The following JMY variants were observed in gnomAD, a reference collection of about 807,000 sequenced individuals.
The protein encoded by JMY is junction mediating and regulatory protein, p53 cofactor.
A neutral mutation model predicts 103.3 loss-of-function variants in JMY; 46 were observed. The observed-to-expected ratio is 0.45, with a 90% CI of 0.35 to 0.57. The LOEUF (loss-of-function observed/expected upper bound fraction) is 0.57. Ranked by LOEUF, JMY falls within the 20% of genes least tolerant of loss-of-function variation. The pLI is 0.00. For synonymous variants in JMY, 526 were observed against 489.3 expected (o/e 1.07, Z -0.99); for missense variants, 1,238 against 1,255.2 (o/e 0.99, Z 0.21).
rs2112033779 is a variant in JMY, at chr5:79,236,285, ACCCC to A, written c.-365_-362del. On this transcript the variant is annotated 5_prime_UTR_variant, in exon 1 of 11. Transcript: ENST00000396137. ...CCGGGACGCATACAGCGCCGGCCTG[ACCCC>A]GCGGGACCCGCGCCTCACCACCGGA... 5.7e-6 allele frequency: 1 copy of A among 174,768 alleles called. No individual in the cohort carries two copies. Among genetic ancestry groups the A allele is most frequent in the African/African-American group, 2.4e-5 (1 of 42,230 alleles). 10.8% of individuals were successfully genotyped at this position (174,768 alleles called of 1,614,324 possible).
intron 2 of JMY, among the ~76,000 whole-genome samples, chr5:79,289,323 TG>T: frequency 6.6e-6 from 1 of 151,936 alleles, no homozygotes; most frequent in East Asian, 1.9e-4. Context: ...TAATTATACT[TG>T]ATCAGTGTTT....
intron 9 of JMY, 59 bp from the exon 10 acceptor site, chr5:79,315,941 G>GTT (rs1554052894): frequency 6.8e-7 from 1 of 1,461,264 alleles, no homozygotes; most frequent in Non-Finnish European, 9.4e-7. Flanking sequence ...AGGTTATACA[G>GTT]TTTCATTCTA....
At chr5:79,309,960 T>C (rs1474792035) in intron 7 of JMY, among the ~76,000 whole-genome samples, 1 of 151,968 alleles carries the variant, frequency 6.6e-6, no homozygotes, top group Non-Finnish European at 1.5e-5. Context: ...AAGAACTAAT[T>C]AACTTTTTAG....
intron 7 of JMY, among the ~76,000 whole-genome samples, chr5:79,311,957 C>T (rs892792240): frequency 6.6e-6 from 1 of 152,080 alleles, no homozygotes; most frequent in Admixed American, 6.6e-5. Context: ...GCTGGGATTA[C>T]AGGCATGCAT....
At chr5:79,282,296 A>T (rs891432939) in intron 2 of JMY, among the ~76,000 whole-genome samples, 1 of 152,198 alleles carries the variant, frequency 6.6e-6, no homozygotes, top group African/African-American at 2.4e-5. Context: ...TGGGTGGCTT[A>T]GGGGAAATTG....
At chr5:79,300,620 T>C in intron 5 of JMY, 56 bp from the exon 6 acceptor site, 1 of 1,409,346 alleles carries the variant, frequency 7.1e-7, no homozygotes, top group Admixed American at 2.5e-5. Flanking sequence ...ACCTTGTTCT[T>C]TCCAAACCCT....
chr5:79,255,555 G>T (rs13175709), intron 1 of JMY, among the ~76,000 whole-genome samples: 3,205 of 152,296 alleles, frequency 0.021, 54 homozygotes, highest in Middle Eastern at 0.044. Flanking sequence ...CACTGTCTGG[G>T]TTTGTTTGTA....
intron 4 of JMY, among the ~76,000 whole-genome samples, chr5:79,297,429 T>G (rs1445894465): frequency 6.6e-6 from 1 of 152,166 alleles, no homozygotes; most frequent in Non-Finnish European, 1.5e-5. Context: ...CTGTTTCTCT[T>G]AGTTCTGTGG....
chr5:79,242,565 T>C (rs1190304383), intron 1 of JMY, among the ~76,000 whole-genome samples: 1 of 152,200 alleles, frequency 6.6e-6, no homozygotes, highest in Non-Finnish European at 1.5e-5. Context: ...AAAGAGGTCC[T>C]GTGGACTTCA....
chr5:79,296,541 G>A (rs1746568361), intron 4 of JMY, among the ~76,000 whole-genome samples: 1 of 152,204 alleles, frequency 6.6e-6, no homozygotes, highest in Non-Finnish European at 1.5e-5. Context: ...GAGTGCAGTG[G>A]CACGATCATA....
chr5:79,297,382 C>A (rs1393310342), intron 4 of JMY, among the ~76,000 whole-genome samples: 2 of 152,098 alleles, frequency 1.3e-5, no homozygotes, highest in Non-Finnish European at 2.9e-5. Flanking sequence ...CTGCACTGCT[C>A]CATTATCTGG....
intron 1 of JMY, among the ~76,000 whole-genome samples, chr5:79,274,047 T>C (rs1308990703): frequency 6.6e-6 from 1 of 152,096 alleles, no homozygotes; most frequent in East Asian, 1.9e-4. Flanking sequence ...ACCAGGATGG[T>C]CTCCATCTCC....
chr5:79,314,109 T>G, intron 8 of JMY, 148 bp from the exon 9 acceptor site: 1 of 1,293,132 alleles, frequency 7.7e-7, no homozygotes. Flanking sequence ...TCCACCCGCC[T>G]CGGCCTCCCA....
Position 79,291,141 on chromosome 5 carries a change from C to A in JMY, c.1369C>A (p.Arg457=). The A allele has an allele frequency of 6.3e-7, 1 of 1,594,796 alleles. No individual in the cohort carries two copies. The highest frequency in any genetic ancestry group is 1.2e-5 in the South Asian group (1 of 86,478). ...TAKAQKAVYD[R]MRADQKKFGK... ...AAAATTATTAATAGCTGTGTATGATCGAATGCGAGCTGATCAGAAGAAATT... is the reference window on the plus strand; with the variant it reads ...AAAATTATTAATAGCTGTGTATGATAGAATGCGAGCTGATCAGAAGAAATT... The change falls in exon 4 of 11, where the codon CGA becomes AGA. Residue 457 remains arginine (R), a synonymous_variant. Transcript: ENST00000396137.
intron 1 of JMY, among the ~76,000 whole-genome samples, chr5:79,238,268 C>T (rs1744587134): frequency 1.3e-5 from 2 of 151,816 alleles, no homozygotes; most frequent in African/African-American, 2.4e-5. Context: ...TTTGGACTAC[C>T]TCAGGTCTTT....
intron 4 of JMY, among the ~76,000 whole-genome samples, chr5:79,295,893 A>G (rs1746550854): frequency 6.6e-6 from 1 of 152,234 alleles, no homozygotes; most frequent in Non-Finnish European, 1.5e-5. Flanking sequence ...TAAAGGCCTT[A>G]GTTTATCTTA....
In JMY at chr5:79,236,614, C is replaced by T; in HGVS notation, c.-37C>T. On this transcript the variant is annotated 5_prime_UTR_variant, in exon 1 of 11. Transcript: ENST00000396137. ...CGGGGAGTCCTCGGGCGGGCCGGGCCGGCGGCCCTTCCCCGCGGCGAGAAG... is the reference window on the plus strand; with the variant it reads ...CGGGGAGTCCTCGGGCGGGCCGGGCTGGCGGCCCTTCCCCGCGGCGAGAAG... 4 of 1,348,556 alleles carry T rather than the reference C, an allele frequency of 3.0e-6. No homozygotes were observed. The highest frequency in any genetic ancestry group is 2.8e-5 in the Admixed American group (1 of 35,434). 83.5% of individuals were successfully genotyped at this position (1,348,556 alleles called of 1,614,324 possible). A position where few individuals can be genotyped will look rare whatever the true frequency, so the allele number is the denominator to read the frequency against.
At chr5:79,285,021 G>A in intron 2 of JMY, 3 of 709,990 alleles carry the variant, frequency 4.2e-6, no homozygotes, top group Non-Finnish European at 7.1e-6. Flanking sequence ...TCTTTAATGA[G>A]TCAGAGCCAG....
Position 79,314,806 on chromosome 5 carries a change from C to T in JMY, c.2614C>T (p.Arg872Trp), listed in dbSNP as rs370640676. 3.1e-6 allele frequency: 5 copies of T among 1,599,584 alleles called. No individual in the cohort carries two copies. The highest frequency in any genetic ancestry group is 3.5e-5 in the Admixed American group (2 of 57,176). ...LFDSSQLVSA[R>W]KKLRKTAEGL... ...TGACAGCAGCCAGCTGGTCAGTGCA[C>T]GGAAGAAGCTCAGAAAGACTGCTGA... The change falls in exon 9 of 11, where the codon CGG becomes TGG. Residue 872 changes from arginine (R) to tryptophan (W), a missense_variant. Transcript: ENST00000396137.
Sources: allele counts gnomAD v4.1 joint callset (sites outside exome capture counted in the v4.1 genomes callset), GRCh38; gene constraint gnomAD v4.1.1; transcripts MANE v1.5; gene names NCBI Gene and HGNC (gene_info 2026-07-23, HGNC 2026-07-21).